The following ABCC4 variants were observed in gnomAD, a reference collection of about 807,000 sequenced individuals.
ABCC4 encodes ATP binding cassette subfamily C member 4 (PEL blood group), also known as ATP-binding cassette sub-family C member 4.
In ABCC4, 102 loss-of-function variants were observed where a neutral mutation model predicts 168.5. The observed-to-expected ratio is 0.61, with a 90% CI of 0.52 to 0.71. The LOEUF (loss-of-function observed/expected upper bound fraction) is 0.71. ABCC4 is among the 30% of genes least tolerant of loss of function. The pLI is 0.00. For missense variants in ABCC4, 1,402 were observed against 1,605.8 expected, an observed-to-expected ratio of 0.87 and a Z score of 2.17; for synonymous variants, 617 against 590.7, an observed-to-expected ratio of 1.04 and a Z score of -0.65.
intron 20 of ABCC4, among the ~76,000 whole-genome samples, chr13:95,095,036 A>G (rs1480226189): frequency 1.3e-5 from 2 of 152,228 alleles, no homozygotes; most frequent in African/African-American, 4.8e-5. Context: ...ACTCTTCTAC[A>G]CTGCTGGTGG....
chr13:95,042,993 C>T lies in ABCC4; in HGVS notation c.3735+689G>A, dbSNP rs1265385604. 2.0e-5 allele frequency among the ~76,000 whole-genome samples: 3 copies of T among 152,190 alleles called. No homozygotes were observed. The East Asian group carries it at 5.8e-4, about 29-fold the overall frequency. Reference sequence around the variant, plus strand: ...CCACGTTGGCCAGGCTGGTCTCGAACTCCTGACCTCAAGTAATCTGCCTGC... The same window carrying T: ...CCACGTTGGCCAGGCTGGTCTCGAATTCCTGACCTCAAGTAATCTGCCTGC... On this transcript the variant is annotated intron_variant, in intron 29 of 30. Coordinates refer to ENST00000645237, the MANE Select transcript of ABCC4 (RefSeq NM_005845.5).
intron 19 of ABCC4, among the ~76,000 whole-genome samples, chr13:95,146,602 T>C (rs1045513860): frequency 1.3e-5 from 2 of 152,160 alleles, no homozygotes; most frequent in Non-Finnish European, 2.9e-5. Context: ...TCCCTGCGGT[T>C]GCCACATAAA....
At chr13:95,159,312 A>C (rs2037007894) in intron 19 of ABCC4, among the ~76,000 whole-genome samples, 1 of 151,824 alleles carries the variant, frequency 6.6e-6, no homozygotes, top group African/African-American at 2.4e-5. Context: ...AAAGTAAATA[A>C]TTCATGACCT....
rs116647759 is a variant in ABCC4, at chr13:95,096,752, C to T, written c.2536-13462G>A. 5.7e-3 allele frequency among the ~76,000 whole-genome samples: 866 copies of T among 152,268 alleles called. 12 individuals carry two copies. Among genetic ancestry groups the T allele is most frequent in the African/African-American group, 0.019 (787 of 41,546 alleles). ...AACAAAGTTGAAATAAAGACATGCT[C>T]AGATGGGCAAAAGCTAGGAGAAGGT... On this transcript the variant is annotated intron_variant, in intron 20 of 30. Transcript: ENST00000645237.
At chr13:95,101,670 C>T (rs534101890) in intron 20 of ABCC4, among the ~76,000 whole-genome samples, 2 of 152,198 alleles carry the variant, frequency 1.3e-5, no homozygotes, top group Non-Finnish European at 2.9e-5. Context: ...ATGAAAATTA[C>T]GTTATTATGA....
chr13:95,115,893 T>C, intron 20 of ABCC4, 29 bp downstream of exon 20: 1 of 1,581,672 alleles, frequency 6.3e-7, no homozygotes. Context: ...GTTTTCCATT[T>C]GAGATCCTGA....
Position 95,282,914 on chromosome 13 carries a change from C to T in ABCC4, c.74+18327G>A, listed in dbSNP as rs185047634. Among the ~76,000 whole-genome samples, 41 of 152,038 alleles carry T rather than the reference C, an allele frequency of 2.7e-4. No homozygotes were observed. In the South Asian group the frequency reaches 5.8e-3, roughly 22 times the overall value. On this transcript the variant is annotated intron_variant, in intron 1 of 30. Transcript: ENST00000645237. ...CATTACATATGTAAAACTTGTAGAA[C>T]GTGATCAAAATGTTTAAAAACTGGC...
At chr13:95,091,271 C>T (rs1278107207) in intron 20 of ABCC4, among the ~76,000 whole-genome samples, 2 of 152,122 alleles carry the variant, frequency 1.3e-5, no homozygotes, top group Non-Finnish European at 2.9e-5. Flanking sequence ...GAGACCTAGA[C>T]ATCCAAATAC....
At chr13:95,253,143 T>A (rs958917208) in intron 1 of ABCC4, among the ~76,000 whole-genome samples, 1 of 152,088 alleles carries the variant, frequency 6.6e-6, no homozygotes, top group Admixed American at 6.5e-5. Flanking sequence ...GATAGAAAGG[T>A]TAGTGCACGG....
At chr13:95,048,478 T>C (rs569169829) in intron 27 of ABCC4, among the ~76,000 whole-genome samples, 333 of 152,350 alleles carry the variant, frequency 2.2e-3, no homozygotes, top group Non-Finnish European at 3.0e-3. Flanking sequence ...AAGTCTCTGA[T>C]GCCAGAGACT....
chr13:95,301,152 G>A (rs1267857181), intron 1 of ABCC4, 89 bp downstream of exon 1: 38 of 1,297,790 alleles, frequency 2.9e-5, no homozygotes, highest in Non-Finnish European at 3.7e-5. Context: ...AGCCGCAGAG[G>A]GCTTGGGCAG....
At chr13:95,157,679 T>G (rs1423951948) in intron 19 of ABCC4, among the ~76,000 whole-genome samples, 1 of 152,286 alleles carries the variant, frequency 6.6e-6, no homozygotes, top group East Asian at 1.9e-4. Context: ...AGGTATTGTA[T>G]TATATAAACA....
intron 22 of ABCC4, among the ~76,000 whole-genome samples, chr13:95,074,825 ACTT>A (rs2139314476): frequency 6.6e-6 from 1 of 152,216 alleles, no homozygotes; most frequent in Admixed American, 6.5e-5. Context: ...TTTGTTTGCT[ACTT>A]CTTTTTTCCT....
At chr13:95,046,273 G>C (rs944200341) in intron 27 of ABCC4, among the ~76,000 whole-genome samples, 30 of 152,160 alleles carry the variant, frequency 2.0e-4, no homozygotes, top group African/African-American at 7.2e-4. Flanking sequence ...AGCCAGATTT[G>C]AAGAAATAAT....
intron 20 of ABCC4, among the ~76,000 whole-genome samples, chr13:95,097,209 G>T (rs577837330): frequency 0.036 from 922 of 25,400 alleles, 11 homozygotes; most frequent in African/African-American, 0.12. Flanking sequence ...CTAAAAATGT[G>T]ATAGAAAAAA....
intron 19 of ABCC4, among the ~76,000 whole-genome samples, chr13:95,153,748 T>C (rs368187832): frequency 1.3e-5 from 2 of 152,312 alleles, no homozygotes; most frequent in African/African-American, 4.8e-5. Context: ...TCTAGTAGAT[T>C]AAAAATTATG....
At chr13:95,043,487 G>A (rs192336519) in intron 29 of ABCC4, 195 bp downstream of exon 29, 115 of 477,760 alleles carry the variant, frequency 2.4e-4, no homozygotes, top group African/African-American at 1.8e-3. Flanking sequence ...ATGATTATAT[G>A]CAAAGAGATA....
rs759986076 is a variant in ABCC4 at position 95,186,793 on chromosome 13, A to T, written c.1453T>A (p.Phe485Ile). The change falls in exon 11 of 31, where the codon TTC becomes ATC. Residue 485 changes from phenylalanine (F) to isoleucine (I), a missense_variant. Coordinates refer to ENST00000645237, the MANE Select transcript of ABCC4 (RefSeq NM_005845.5). ...IAYVSQQPWV[F>I]SGTLRSNILF... ...ATATTACTCCTCAGAGTTCCCGAGAACACCCAGGGCTGCTGAGACACATAG... is the reference window on the plus strand; with the variant it reads ...ATATTACTCCTCAGAGTTCCCGAGATCACCCAGGGCTGCTGAGACACATAG... 6.2e-7 allele frequency: 1 copy of T among 1,614,014 alleles called. No individual in the cohort carries two copies. Among genetic ancestry groups the T allele is most frequent in the Non-Finnish European group, 8.5e-7 (1 of 1,180,012 alleles).
At chr13:95,110,022 G>A (rs915323964) in intron 20 of ABCC4, among the ~76,000 whole-genome samples, 1 of 152,134 alleles carries the variant, frequency 6.6e-6, no homozygotes, top group Non-Finnish European at 1.5e-5. Context: ...AGAATGACAC[G>A]TATTGGCCAG....
Sources: allele counts gnomAD v4.1 joint callset (sites outside exome capture counted in the v4.1 genomes callset), GRCh38; gene constraint gnomAD v4.1.1; transcripts MANE v1.5; gene names NCBI Gene and HGNC (gene_info 2026-07-23, HGNC 2026-07-21).